The following CENPE variants were observed in gnomAD, a reference collection of about 807,000 sequenced individuals.
CENPE encodes the protein centromere protein E, also known as centromere-associated protein E.
Under a neutral mutation model 336.1 loss-of-function variants are expected in CENPE, and 145 were observed. That is an observed-to-expected ratio of 0.43 (90% CI 0.38 to 0.50). CENPE has a LOEUF of 0.50. CENPE is among the 20% of genes least tolerant of loss of function. The pLI, the probability that CENPE is intolerant of heterozygous loss-of-function variation, is 0.00. For missense variants in CENPE, 2,719 were observed against 3,023.3 expected (o/e 0.90, Z 2.36); for synonymous variants, 1,013 against 984.8 (o/e 1.03, Z -0.54).
chr4:103,114,620 T>C, intron 45 of CENPE, 68 bp from the exon 46 acceptor site: 2 of 952,364 alleles, frequency 2.1e-6, no homozygotes, highest in Non-Finnish European at 3.3e-6. Context: ...TAAACAGAAC[T>C]GCTGTGAAGG....
rs1288349290 is a variant in CENPE, at chr4:103,132,722, C to T, written c.6895G>A (p.Val2299Met). ...ATTCTGTTATTAAAGAAGTTATTCACTTGACAAATCCTATCATTTTCTTTC... is the reference window on the plus strand; with the variant it reads ...ATTCTGTTATTAAAGAAGTTATTCATTTGACAAATCCTATCATTTTCTTTC... Reference protein sequence around the residue: ...IQKENDRICQVNNFFNNRIIA... With the variant: ...IQKENDRICQMNNFFNNRIIA... The change falls in exon 42 of 49, where the codon GTG (valine) becomes ATG (methionine). Residue 2299 changes from valine (V) to methionine (M), a missense_variant. Around this residue, in one of 5 missense-constraint regions of CENPE, gnomAD observed 2,437 missense variants for 2,513.3 expected, o/e 0.97. Transcript: ENST00000265148. The T allele has an allele frequency of 6.4e-7, 1 of 1,555,840 alleles. No individual in the cohort carries two copies. The highest frequency in any genetic ancestry group is 2.3e-5 in the East Asian group (1 of 43,816).
At chr4:103,108,751 T>C in intron 48 of CENPE, 52 bp downstream of exon 48, 1 of 1,508,832 alleles carries the variant, frequency 6.6e-7, no homozygotes, top group Non-Finnish European at 9.0e-7. Context: ...ATATTAATGA[T>C]AAGTTCCAAC....
At chr4:103,132,984 A>ATATATATAT (rs1578575064) in intron 41 of CENPE, 88 bp from the exon 42 acceptor site, 12 of 187,760 alleles carry the variant, frequency 6.4e-5, no homozygotes, top group African/African-American at 1.0e-4. Flanking sequence ...ATATATATAT[A>ATATATATAT]AAATAAAAAG....
At position 103,106,260 on chromosome 4, in the gene CENPE, A is replaced by C. The variant is rs779866972; in HGVS notation, c.8068T>G (p.Ser2690Ala). ...VDSQPGPWHASSGKDVPECKT... is the reference protein window; with the variant it reads ...VDSQPGPWHAASGKDVPECKT... ...CACTCAGGCACATCCTTGCCTGAGG[A>C]GGCGTGCCAAGGACCTGGCTGAGAA... The change falls in exon 49 of 49, where the codon TCC becomes GCC. Residue 2690 changes from serine to alanine, a missense_variant. Physicochemically the swap from Ser to Ala is moderately conservative, Grantham distance 99. Transcript: ENST00000265148. 6.2e-7 allele frequency: 1 copy of C among 1,602,158 alleles called. No individual in the cohort carries two copies. Among genetic ancestry groups the C allele is most frequent in the South Asian group, 1.1e-5 (1 of 88,310 alleles).
chr4:103,152,176 T>C (rs1376915811), intron 25 of CENPE, among the ~76,000 whole-genome samples: 1 of 151,614 alleles, frequency 6.6e-6, no homozygotes, highest in Non-Finnish European at 1.5e-5. Flanking sequence ...TTTAATAAAA[T>C]ATTAAAAGAC....
At chr4:103,110,804 C>G (rs1031627690) in intron 47 of CENPE, 24 bp downstream of exon 47, 3 of 1,534,948 alleles carry the variant, frequency 2.0e-6, no homozygotes, top group Admixed American at 2.0e-5. Context: ...AGCATAATAT[C>G]CGTATCATGT....
At chr4:103,109,492 T>C (rs1749200570) in intron 47 of CENPE, among the ~76,000 whole-genome samples, 1 of 152,146 alleles carries the variant, frequency 6.6e-6, no homozygotes, top group Non-Finnish European at 1.5e-5. Context: ...AAATAAATAT[T>C]ACACTGTGCT....
chr4:103,196,085 T>A, intron 3 of CENPE, 47 bp from the exon 4 acceptor site: 1 of 1,585,110 alleles, frequency 6.3e-7, no homozygotes, highest in Non-Finnish European at 8.7e-7. Flanking sequence ...AACAAACCTA[T>A]AATGGGTAAA....
chr4:103,148,928 TTCA>T lies in CENPE; in HGVS notation c.3756_3758del (p.Asp1252del), dbSNP rs769528871. The T allele has an allele frequency of 1.2e-6, 2 of 1,613,624 alleles. No individual in the cohort carries two copies. Among genetic ancestry groups the T allele is most frequent in the South Asian group, 2.2e-5 (2 of 91,074 alleles). ...TCTTCTCAGATACGCTTCTTCTTAG[TTCA>T]TCAATAGTTTCTTGGTGTTCTTTTA... On this transcript the variant is annotated inframe_deletion, in exon 28 of 49. Coordinates refer to ENST00000265148, the MANE Select transcript of CENPE (RefSeq NM_001813.3).
intron 16 of CENPE, among the ~76,000 whole-genome samples, chr4:103,167,981 C>T (rs1245186390): frequency 6.6e-6 from 1 of 152,200 alleles, no homozygotes. Context: ...TAGCTTAGTA[C>T]TGCTTGCACA....
rs539724300 is a variant in CENPE at position 103,151,357 on chromosome 4, T to C, written c.3258A>G (p.Glu1086=). 2 of 1,581,448 alleles carry C rather than the reference T, an allele frequency of 1.3e-6. No homozygotes were observed. Among genetic ancestry groups the C allele is most frequent in the Non-Finnish European group, 1.7e-6 (2 of 1,172,554 alleles). ...TAAGTTCATCCCCAAGAAGTCTTAA[T>C]TCTTCCTGGTTTTCAATGGTCTAGA... The part of the protein sequence containing the change: ...NIEMTIENQE[E]LRLLGDELKK... The change falls in exon 26 of 49, where the codon GAA becomes GAG. Residue 1086 remains glutamate (E), a synonymous_variant. Transcript: ENST00000265148.
chr4:103,180,427 A>T lies in CENPE; in HGVS notation c.1126T>A (p.Leu376Met). The change falls in exon 13 of 49, where the codon TTG becomes ATG. Residue 376 changes from leucine to methionine, a missense_variant. Physicochemically the swap from Leu to Met is conservative, Grantham distance 15. Around this residue, in one of 5 missense-constraint regions of CENPE, gnomAD observed 117 missense variants for 215.8 expected, o/e 0.54. Coordinates refer to ENST00000265148, the MANE Select transcript of CENPE (RefSeq NM_001813.3). ...TCTTTTTCTTCCAAAAGTTGGGCCA[A>T]TTGGTCTTTTTCCATTGCCTGAGCC... ...TRAQAMEKDQ[L>M]AQLLEEKDLL... 15 of 1,612,708 alleles carry T rather than the reference A, an allele frequency of 9.3e-6. No individual in the cohort carries two copies. The highest frequency in any genetic ancestry group is 1.2e-5 in the Non-Finnish European group (14 of 1,179,154).
In CENPE at chr4:103,161,072, A is replaced by C; in HGVS notation, c.2131+14T>G. ...AGTCAGATTTGAAAAAAGATGTTTA[A>C]AATTACAAAATACCTTTTGGAACTT... On this transcript the variant is annotated intron_variant, in intron 20 of 48. Transcript: ENST00000265148. The C allele has an allele frequency of 1.3e-6, 2 of 1,563,424 alleles. No homozygotes were observed. The highest frequency in any genetic ancestry group is 1.9e-4 in the Middle Eastern group (1 of 5,338).
intron 11 of CENPE, 22 bp downstream of exon 11, chr4:103,182,740 C>G: frequency 7.6e-6 from 12 of 1,572,144 alleles, no homozygotes; most frequent in Non-Finnish European, 1.0e-5. Context: ...CTATATTAAG[C>G]TGAGATAAAA....
rs1560688838 is a variant in CENPE, at chr4:103,196,007, T to A, written c.270A>T (p.Ser90=). 1 of 1,613,750 alleles carries A rather than the reference T, an allele frequency of 6.2e-7. No individual in the cohort carries two copies. The highest frequency in any genetic ancestry group is 2.2e-5 in the East Asian group (1 of 44,862). ...GTIFAYGQTA[S]GKTYTMMGSE... is the part of the protein sequence containing the mutation. ...AACCCATCATGGTATATGTTTTTCCTGAAGCAGTCTGTCCATAGGCAAATA... is the reference window on the plus strand; with the variant it reads ...AACCCATCATGGTATATGTTTTTCCAGAAGCAGTCTGTCCATAGGCAAATA... The change falls in exon 4 of 49, where the codon TCA becomes TCT. Residue 90 remains serine (S), a synonymous_variant. Transcript: ENST00000265148.
intron 8 of CENPE, 25 bp downstream of exon 8, chr4:103,194,204 A>G: frequency 6.3e-7 from 1 of 1,589,580 alleles, no homozygotes; most frequent in South Asian, 1.1e-5. Context: ...CATACAGTAC[A>G]TTATTATGGT....
chr4:103,163,250 G>A lies in CENPE; in HGVS notation c.1729C>T (p.Leu577Phe). 9 of 1,606,548 alleles carry A rather than the reference G, an allele frequency of 5.6e-6. No individual in the cohort carries two copies. The highest frequency in any genetic ancestry group is 7.7e-6 in the Non-Finnish European group (9 of 1,176,046). The part of the protein sequence containing the change: ...EVYNQDLENE[L>F]SSKVELLREK... ...CTAAGCAGCTCTACTTTTGAACTGA[G>A]TTCATTCTAAAAGAATCAAAGGAGA... The change falls in exon 18 of 49, where the codon CTC becomes TTC. Residue 577 changes from leucine (L) to phenylalanine (F), a missense_variant. Coordinates refer to ENST00000265148, the MANE Select transcript of CENPE (RefSeq NM_001813.3).
At chr4:103,182,289 C>T (rs1578674933) in intron 11 of CENPE, among the ~76,000 whole-genome samples, 1 of 152,068 alleles carries the variant, frequency 6.6e-6, no homozygotes, top group South Asian at 2.1e-4. Flanking sequence ...CAGGGTTTCT[C>T]CATGTTGGTC....
At chr4:103,187,736 T>C (rs1291959105) in intron 8 of CENPE, among the ~76,000 whole-genome samples, 1 of 152,098 alleles carries the variant, frequency 6.6e-6, no homozygotes, top group Non-Finnish European at 1.5e-5. Context: ...AGAAACTGCA[T>C]CAACTAACAA....
Sources: allele counts gnomAD v4.1 joint callset (sites outside exome capture counted in the v4.1 genomes callset), GRCh38; gene constraint gnomAD v4.1.1; regional missense constraint gnomAD v4.1.1; transcripts MANE v1.5; gene names NCBI Gene and HGNC (gene_info 2026-07-23, HGNC 2026-07-21).